SENP1: variants seen among roughly 807,000 people sequenced by gnomAD.
SENP1 encodes sentrin-specific protease 1.
A neutral mutation model predicts 93.0 loss-of-function variants in SENP1; 21 were observed. The ratio of observed to expected loss-of-function variants is 0.23; its 90% CI spans 0.16 to 0.33. The LOEUF (loss-of-function observed/expected upper bound fraction) is 0.33. SENP1 is among the 10% of genes least tolerant of loss of function. SENP1 has a pLI of 1.00. For synonymous variants in SENP1, 256 were observed against 259.6 expected (o/e 0.99, Z 0.13); for missense variants, 591 against 758.7 (o/e 0.78, Z 2.60).
chr12:48,054,994 C>A (rs773229642), intron 13 of SENP1: 9 of 223,706 alleles, frequency 4.0e-5, no homozygotes, highest in African/African-American at 6.9e-5. Flanking sequence ...GACACAACTG[C>A]TGCCCTCTTG....
chr12:48,064,976 C>T (rs932923011), intron 12 of SENP1, 89 bp downstream of exon 12: 1 of 960,478 alleles, frequency 1.0e-6, no homozygotes. Flanking sequence ...CGTGCCTGAC[C>T]ACTATTGCTT....
chr12:48,067,067 G>C, intron 9 of SENP1, 102 bp from the exon 10 acceptor site: 3 of 762,226 alleles, frequency 3.9e-6, no homozygotes, highest in East Asian at 2.7e-5. Flanking sequence ...GTTTATATGA[G>C]TGCTTTACAA....
At chr12:48,094,725 A>G (rs1945440754) in intron 4 of SENP1, among the ~76,000 whole-genome samples, 1 of 152,002 alleles carries the variant, frequency 6.6e-6, no homozygotes, top group African/African-American at 2.4e-5. Flanking sequence ...GAAATAAAAC[A>G]TTAGAATTGG....
intron 5 of SENP1, among the ~76,000 whole-genome samples, chr12:48,084,008 C>T (rs1004983925): frequency 6.6e-6 from 1 of 152,110 alleles, no homozygotes; most frequent in African/African-American, 2.4e-5. Flanking sequence ...ATTTTTAGAT[C>T]CACAATCTAG....
At chr12:48,055,755 TTAAA>T (rs948408130) in intron 13 of SENP1, among the ~76,000 whole-genome samples, 2 of 147,628 alleles carry the variant, frequency 1.4e-5, no homozygotes, top group African/African-American at 4.9e-5. Flanking sequence ...ACATATTTTG[TTAAA>T]TAACGTTATT....
chr12:48,048,182 C>A (rs945154643), intron 14 of SENP1, 102 bp from the exon 15 acceptor site: 1 of 705,830 alleles, frequency 1.4e-6, no homozygotes. Flanking sequence ...AGACTTCCTA[C>A]AAAATCATGA....
At chr12:48,050,455 G>A (rs1289618891) in intron 13 of SENP1, among the ~76,000 whole-genome samples, 2 of 152,204 alleles carry the variant, frequency 1.3e-5, no homozygotes, top group East Asian at 3.9e-4. Context: ...TGAGGTAGGG[G>A]AAGGCTAGGA....
chr12:48,058,238 A>G (rs1942711157), intron 13 of SENP1, among the ~76,000 whole-genome samples: 1 of 151,922 alleles, frequency 6.6e-6, no homozygotes, highest in Non-Finnish European at 1.5e-5. Flanking sequence ...GAGCCACTGC[A>G]CTCGGCCCAT....
At chr12:48,082,744 C>A (rs922148555) in intron 6 of SENP1, among the ~76,000 whole-genome samples, 2 of 152,066 alleles carry the variant, frequency 1.3e-5, no homozygotes, top group Non-Finnish European at 2.9e-5. Context: ...AATATAACAA[C>A]CCAAGTGTCA....
Position 48,085,269 on chromosome 12 carries a change from A to C in SENP1, c.381-1507T>G. The stretch of plus-strand genomic sequence containing the variant: ...TGGCATCATCCTCATCAACCAGTAC[A>C]TCGCAGAGATGGTGCAGCATGCCCT... On this transcript the variant is annotated intron_variant, in intron 5 of 17. Transcript: ENST00000549518. The C allele has an allele frequency of 3.2e-6, 5 of 1,554,034 alleles. No individual in the cohort carries two copies. The South Asian group carries it at 5.6e-5, about 17-fold the overall frequency.
At chr12:48,063,944 T>G in intron 12 of SENP1, 103 bp from the exon 13 acceptor site, 1 of 1,106,620 alleles carries the variant, frequency 9.0e-7, no homozygotes, top group Non-Finnish European at 1.3e-6. Flanking sequence ...TTATCACCAT[T>G]CGATTGTTTA....
chr12:48,095,221 T>C (rs1192574367), intron 4 of SENP1, among the ~76,000 whole-genome samples: 4 of 152,104 alleles, frequency 2.6e-5, no homozygotes, highest in Non-Finnish European at 5.9e-5. Context: ...CTGCATTCCA[T>C]ATTTATCATC....
At chr12:48,088,019 A>C (rs1368888109) in intron 5 of SENP1, among the ~76,000 whole-genome samples, 1 of 152,132 alleles carries the variant, frequency 6.6e-6, no homozygotes, top group Non-Finnish European at 1.5e-5. Context: ...AGAGCTTATA[A>C]AGTTGGAATA....
At chr12:48,072,904 C>A (rs931985312) in intron 8 of SENP1, among the ~76,000 whole-genome samples, 14 of 151,712 alleles carry the variant, frequency 9.2e-5, no homozygotes, top group Non-Finnish European at 1.5e-4. Context: ...TATCCTCCCC[C>A]CACAGATAAG....
chr12:48,088,674 C>A, intron 5 of SENP1, 127 bp downstream of exon 5: 1 of 847,484 alleles, frequency 1.2e-6, no homozygotes, highest in Non-Finnish European at 1.9e-6. Flanking sequence ...TTGTTCATAT[C>A]CTTAAGGTTT....
In SENP1 at chr12:48,045,283, G is replaced by C; in HGVS notation, c.*39C>G. 1.9e-6 allele frequency: 3 copies of C among 1,562,410 alleles called. No individual in the cohort carries two copies. The highest frequency in any genetic ancestry group is 2.6e-6 in the Non-Finnish European group (3 of 1,133,736). ...TCTGGCTGTAGACAACAAAGAGCTG[G>C]TCCCCCACATGGTCAAGGTCTGCTA... On this transcript the variant is annotated 3_prime_UTR_variant, in exon 18 of 18. Coordinates refer to ENST00000549518, the MANE Select transcript of SENP1 (RefSeq NM_001267594.2).
rs148258476 is a variant in SENP1, at chr12:48,100,601, C to T, written c.4+868G>A. Among the ~76,000 whole-genome samples, 60 of 152,020 alleles carry T rather than the reference C, an allele frequency of 3.9e-4. 1 individual carries two copies. In the East Asian group the frequency reaches 0.011, roughly 29 times the overall value. ...AGTGAGCTGAGATCATACCACTACA[C>T]TCCAGCCTGGGTGACAGAGCGAGAC... On this transcript the variant is annotated intron_variant, in intron 2 of 17. Transcript: ENST00000549518.
At chr12:48,067,798 TTCTG>T (rs1300202267) in intron 9 of SENP1, among the ~76,000 whole-genome samples, 64 of 151,446 alleles carry the variant, frequency 4.2e-4, no homozygotes, top group African/African-American at 1.5e-3. Flanking sequence ...CATAGTGAGA[TTCTG>T]TCTCTTAAAA....
In SENP1 at chr12:48,049,082, G is replaced by A. The variant is rs1941586495; in HGVS notation, c.1458C>T (p.Gly486=). Reference sequence around the variant, plus strand: ...TATTAAATGCATGCACACTTGGCAAGCCCTTCTCTTTACTTCGCTCCATCA... The same window carrying A: ...TATTAAATGCATGCACACTTGGCAAACCCTTCTCTTTACTTCGCTCCATCA... The part of the protein sequence containing the change: ...NMLMERSKEK[G]LPSVHAFNTF... The change falls in exon 14 of 18, where the codon GGC becomes GGT. Residue 486 remains glycine, a synonymous_variant. Transcript: ENST00000549518. 1 of 1,613,502 alleles carries A rather than the reference G, an allele frequency of 6.2e-7. No individual in the cohort carries two copies. Among genetic ancestry groups the A allele is most frequent in the South Asian group, 1.1e-5 (1 of 91,072 alleles).
Sources: allele counts gnomAD v4.1 joint callset (sites outside exome capture counted in the v4.1 genomes callset), GRCh38; gene constraint gnomAD v4.1.1; transcripts MANE v1.5; gene names NCBI Gene and HGNC (gene_info 2026-07-23, HGNC 2026-07-21).